The following BICRAL variants were observed in gnomAD, a reference collection of about 807,000 sequenced individuals.
The protein encoded by BICRAL is BRD4-interacting chromatin-remodeling complex-associated protein-like.
BICRAL carries 8 observed loss-of-function variants against 91.8 expected under a neutral mutation model. The observed-to-expected ratio is 0.09, with a 90% CI of 0.05 to 0.16. The LOEUF (loss-of-function observed/expected upper bound fraction) is 0.16. Among genes scored for constraint, BICRAL ranks in the 10% least tolerant of loss-of-function variants. BICRAL has a pLI of 1.00. For missense variants in BICRAL, 1,038 were observed against 1,310.9 expected (o/e 0.79, Z 3.21); for synonymous variants, 445 against 491.1 (o/e 0.91, Z 1.24).
chr6:42,829,366 G>T lies in BICRAL; in HGVS notation c.1033G>T (p.Ala345Ser). The change falls in exon 6 of 13, where the codon GCT (alanine) becomes TCT (serine). Residue 345 changes from alanine (A) to serine (S), a missense_variant. This residue lies in a region of BICRAL where 532 missense variants were observed against 724.9 expected (regional missense o/e 0.73). Transcript: ENST00000314073. Reference protein sequence around the residue: ...QHHVQQGISFASASSPQGSVV... With the variant: ...QHHVQQGISFSSASSPQGSVV... ...CCACGTACAACAAGGGATCTCTTTT[G>T]CTTCTGCAAGCTCACCCCAGGGCTC... The T allele has an allele frequency of 6.2e-7, 1 of 1,614,180 alleles. No homozygotes were observed. The highest frequency in any genetic ancestry group is 8.5e-7 in the Non-Finnish European group (1 of 1,180,044).
At chr6:42,827,631 G>A (rs1043941549) in intron 5 of BICRAL, among the ~76,000 whole-genome samples, 2 of 152,224 alleles carry the variant, frequency 1.3e-5, no homozygotes, top group East Asian at 1.9e-4. Flanking sequence ...TGTAATCCTA[G>A]CACTTTGGGA....
At chr6:42,852,028 TTAAAA>T in intron 6 of BICRAL, 59 bp from the exon 7 acceptor site, 1 of 1,023,412 alleles carries the variant, frequency 9.8e-7, no homozygotes, top group South Asian at 1.5e-5. Flanking sequence ...TGGTTGGTAT[TTAAAA>T]TAATCTGTTA....
intron 1 of BICRAL, among the ~76,000 whole-genome samples, chr6:42,804,453 T>C (rs550685202): frequency 6.6e-6 from 1 of 152,306 alleles, no homozygotes; most frequent in African/African-American, 2.4e-5. Flanking sequence ...GGGATATGAA[T>C]AAGTGAATAA....
In BICRAL at chr6:42,836,610, G is replaced by A. The variant is rs1025309588; in HGVS notation, c.1839+6438G>A. 1.5e-4 allele frequency among the ~76,000 whole-genome samples: 23 copies of A among 148,992 alleles called. 1 individual carries two copies. The highest frequency in any genetic ancestry group is 1.1e-3 in the South Asian group (5 of 4,736). On this transcript the variant is annotated intron_variant, in intron 6 of 12. Coordinates refer to ENST00000314073, the MANE Select transcript of BICRAL (RefSeq NM_001393499.1). ...GAAACACAGAAATTATTTGCTTTCT[G>A]TGTAGTTTCTTTTTTTTTTTTTTTT...
At chr6:42,771,903 C>T (rs934160022) in intron 1 of BICRAL, among the ~76,000 whole-genome samples, 6 of 152,172 alleles carry the variant, frequency 3.9e-5, no homozygotes, top group African/African-American at 1.4e-4. Flanking sequence ...CCAATATTCG[C>T]ATTTCTGCAT....
At position 42,800,395 on chromosome 6, in the gene BICRAL, C is replaced by T. The variant is rs889432414; in HGVS notation, c.-101-9911C>T. ...GCCAGGCTGGTCTCCAACTCCTGAC[C>T]TCAAGTGATCCGTCCACTTCGGCCC... On this transcript the variant is annotated intron_variant, in intron 1 of 12. Transcript: ENST00000314073. Among the ~76,000 whole-genome samples the T allele has an allele frequency of 2.0e-5, 3 of 152,034 alleles. No individual in the cohort carries two copies. The South Asian group carries it at 6.2e-4, about 32-fold the overall frequency.
chr6:42,857,298 C>G (rs1765396470), intron 10 of BICRAL, 62 bp downstream of exon 10: 4 of 1,417,018 alleles, frequency 2.8e-6, no homozygotes, highest in East Asian at 2.3e-5. Flanking sequence ...TGGACACCCC[C>G]CAGAAAAGCA....
intron 9 of BICRAL, among the ~76,000 whole-genome samples, chr6:42,856,269 A>G (rs925615055): frequency 1.3e-5 from 2 of 149,210 alleles, no homozygotes; most frequent in African/African-American, 2.5e-5. Context: ...TGAATTGGAG[A>G]TTGCGCCACT....
chr6:42,829,856 T>G lies in BICRAL; in HGVS notation c.1523T>G (p.Val508Gly), dbSNP rs1235864369. 1 of 1,614,056 alleles carries G rather than the reference T, an allele frequency of 6.2e-7. No individual in the cohort carries two copies. The highest frequency in any genetic ancestry group is 1.7e-5 in the Admixed American group (1 of 60,010). The change falls in exon 6 of 13, where the codon GTA becomes GGA. Residue 508 changes from valine (V) to glycine (G), a missense_variant. Around this residue, in one of 5 missense-constraint regions of BICRAL, gnomAD observed 532 missense variants for 724.9 expected, o/e 0.73. Coordinates refer to ENST00000314073, the MANE Select transcript of BICRAL (RefSeq NM_001393499.1). ...CCCTTGCAGCAGGCATCCCCAACTG[T>G]ATTACACCTGTCACCTGGGCAGAGC... ...QMPLQQASPT[V>G]LHLSPGQSSV... is the part of the protein sequence containing the mutation.
chr6:42,868,066 T>G lies in BICRAL; in HGVS notation c.*2620T>G, dbSNP rs1361772556. Reference sequence around the variant, plus strand: ...TATTTGTACTCAGTAACAAAAATCATTTTCTTTTTTTTTTTTTTTTTCTGT... The same window carrying G: ...TATTTGTACTCAGTAACAAAAATCAGTTTCTTTTTTTTTTTTTTTTTCTGT... On this transcript the variant is annotated 3_prime_UTR_variant, in exon 13 of 13. Transcript: ENST00000314073. The G allele has an allele frequency of 7.2e-6, 1 of 138,264 alleles. No homozygotes were observed. Among genetic ancestry groups the G allele is most frequent in the Non-Finnish European group, 1.6e-5 (1 of 64,386 alleles). 8.6% of individuals were successfully genotyped at this position (138,264 alleles called of 1,614,324 possible). A position where few individuals can be genotyped will look rare whatever the true frequency, so the allele number is the denominator to read the frequency against.
intron 1 of BICRAL, among the ~76,000 whole-genome samples, chr6:42,747,591 G>T (rs537850766): frequency 1.3e-5 from 2 of 152,172 alleles, no homozygotes; most frequent in African/African-American, 4.8e-5. Context: ...TCTCCGCTGA[G>T]AGCACAGTTC....
chr6:42,837,439 A>G (rs1419398964), intron 6 of BICRAL, among the ~76,000 whole-genome samples: 1 of 151,894 alleles, frequency 6.6e-6, no homozygotes, highest in Non-Finnish European at 1.5e-5. Context: ...AATATAGATA[A>G]TACATTAACT....
chr6:42,830,655 G>C (rs924986075), intron 6 of BICRAL, among the ~76,000 whole-genome samples: 1 of 151,902 alleles, frequency 6.6e-6, no homozygotes, highest in African/African-American at 2.4e-5. Context: ...TCACTTTGTC[G>C]CCTAGGCTGG....
At chr6:42,753,848 G>A (rs1266776604) in intron 1 of BICRAL, among the ~76,000 whole-genome samples, 1 of 152,122 alleles carries the variant, frequency 6.6e-6, no homozygotes, top group African/African-American at 2.4e-5. Flanking sequence ...CTGACCTTAG[G>A]TGATCTGCCC....
At chr6:42,851,379 C>T (rs991005388) in intron 6 of BICRAL, among the ~76,000 whole-genome samples, 7 of 151,884 alleles carry the variant, frequency 4.6e-5, no homozygotes, top group East Asian at 3.9e-4. Flanking sequence ...TAATAAAATA[C>T]GTTATGAGAT....
chr6:42,746,545 G>A (rs1428104586), upstream of BICRAL, among the ~76,000 whole-genome samples: 1 of 151,982 alleles, frequency 6.6e-6, no homozygotes, highest in Non-Finnish European at 1.5e-5. Context: ...AGGTAGTGGT[G>A]AGAAAGATGG....
chr6:42,857,059 T>C (rs1288382083), intron 9 of BICRAL, 32 bp from the exon 10 acceptor site: 2 of 1,574,218 alleles, frequency 1.3e-6, no homozygotes, highest in Non-Finnish European at 1.7e-6. Context: ...TAACATGACT[T>C]TACATTGACA....
chr6:42,828,837 G>A lies in BICRAL; in HGVS notation c.504G>A (p.Val168=), dbSNP rs752485984. ...GTCAGACGCTGCAGCCTATAGGGGT[G>A]ACGCATGTGCCTGTTGGAGCATCGT... The part of the protein sequence containing the change: ...YSGQTLQPIG[V]THVPVGASFA... Residue 168 remains valine, a synonymous_variant, in exon 6 of 13, where the codon GTG becomes GTA. Transcript: ENST00000314073. 1.2e-6 allele frequency: 2 copies of A among 1,614,202 alleles called. No homozygotes were observed. Among genetic ancestry groups the A allele is most frequent in the South Asian group, 2.2e-5 (2 of 91,082 alleles).
At chr6:42,782,505 G>C (rs1762944289) in intron 1 of BICRAL, among the ~76,000 whole-genome samples, 1 of 150,370 alleles carries the variant, frequency 6.7e-6, no homozygotes, top group Non-Finnish European at 1.5e-5. Flanking sequence ...GGCAGGGGGC[G>C]GCGAGGCCGG....
Sources: gnomAD v4.1 joint callset for allele counts (sites outside exome capture counted in the v4.1 genomes callset) on GRCh38, gnomAD v4.1.1 for gene constraint, gnomAD v4.1.1 regional missense constraint, MANE v1.5 for transcripts, NCBI Gene and HGNC (gene_info 2026-07-23, HGNC 2026-07-21) for gene names.